Variants in CACNA1S observed in about 807,000 individuals in gnomAD.
CACNA1S encodes calcium voltage-gated channel subunit alpha1 S.
Under a neutral mutation model 207.4 loss-of-function variants are expected in CACNA1S, and 126 were observed. The ratio of observed to expected loss-of-function variants is 0.61; its 90% CI spans 0.53 to 0.70. The LOEUF (loss-of-function observed/expected upper bound fraction) is 0.70. Ranked by LOEUF, CACNA1S falls within the 30% of genes least tolerant of loss-of-function variation. The probability of loss-of-function intolerance (pLI) is 0.00; values close to 1 mark genes in which losing one functional copy is unlikely to be tolerated. For synonymous variants in CACNA1S, 960 were observed against 932.7 expected, an observed-to-expected ratio of 1.03 and a Z score of -0.53; for missense variants, 2,349 against 2,422.8, an observed-to-expected ratio of 0.97 and a Z score of 0.64.
chr1:201,109,171 C>T (rs767357696), intron 2 of CACNA1S, among the ~76,000 whole-genome samples: 2 of 151,408 alleles, frequency 1.3e-5, no homozygotes, highest in Non-Finnish European at 2.9e-5. Flanking sequence ...TCACTTGAAC[C>T]CAGGAGGCGG....
chr1:201,060,625 T>G (rs1418685421), intron 26 of CACNA1S, 33 bp downstream of exon 26: 1 of 1,609,606 alleles, frequency 6.2e-7, no homozygotes, highest in Non-Finnish European at 8.5e-7. Flanking sequence ...GGTCCCAGTC[T>G]GATCAGACAT....
In CACNA1S at chr1:201,112,286, C is replaced by T. The variant is rs369253685; in HGVS notation, c.54G>A (p.Lys18=). The change falls in exon 1 of 44, where the codon AAG becomes AAA. Residue 18 remains lysine, a synonymous_variant. Transcript: ENST00000362061. ...DEGLRKKQPK[K]PVPEILPRPP... ...GCCTTGGCAGAATCTCAGGAACTGG[C>T]TTCTTGGGCTGTTTCTTCCTCAGGC... 2 of 1,613,984 alleles carry T rather than the reference C, an allele frequency of 1.2e-6. No individual in the cohort carries two copies. Among genetic ancestry groups the T allele is most frequent in the Non-Finnish European group, 1.7e-6 (2 of 1,179,984 alleles).
chr1:201,039,859 T>C lies in CACNA1S; in HGVS notation c.5594A>G (p.Gln1865Arg), dbSNP rs1660056304. 6.2e-7 allele frequency: 1 copy of C among 1,608,732 alleles called. No homozygotes were observed. The highest frequency in any genetic ancestry group is 8.5e-7 in the Non-Finnish European group (1 of 1,180,024). The stretch of plus-strand genomic sequence containing the variant: ...CAGCCTTGGAGGAATAAGGGTCTCC[T>C]GGGAGCCCTGGTGTTGGTCGAGGCT... ...LGSLDQHQGSQETLIPPRL is the reference protein window; with the variant it reads ...LGSLDQHQGSRETLIPPRL The change falls in exon 44 of 44, where the codon CAG becomes CGG. Residue 1865 changes from glutamine to arginine, a missense_variant. Physicochemically the swap from Gln to Arg is conservative, Grantham distance 43. Coordinates refer to ENST00000362061, the MANE Select transcript of CACNA1S (RefSeq NM_000069.3).
At chr1:201,060,109 G>A (rs542563481) in intron 26 of CACNA1S, among the ~76,000 whole-genome samples, 21 of 152,180 alleles carry the variant, frequency 1.4e-4, no homozygotes, top group Non-Finnish European at 2.4e-4. Context: ...AGCAGTGTGT[G>A]TTCTTATCAT....
chr1:201,092,518 C>T (rs1283578011), intron 3 of CACNA1S, among the ~76,000 whole-genome samples: 1 of 152,202 alleles, frequency 6.6e-6, no homozygotes, highest in East Asian at 1.9e-4. Context: ...TGCTTTTCCT[C>T]CTGGCTGCAC....
intron 19 of CACNA1S, among the ~76,000 whole-genome samples, chr1:201,068,583 C>T (rs554989064): frequency 4.0e-5 from 6 of 150,030 alleles, no homozygotes; most frequent in East Asian, 4.1e-4. Context: ...AAGAAAAATG[C>T]GAGAGTTCGC....
chr1:201,088,119 T>C (rs1662098650), intron 6 of CACNA1S, among the ~76,000 whole-genome samples, 190 bp from the exon 7 acceptor site: 3 of 152,186 alleles, frequency 2.0e-5, no homozygotes, highest in Non-Finnish European at 4.4e-5. Context: ...GGATCTGGTC[T>C]GGAAGGATCT....
Position 201,053,406 on chromosome 1 carries a change from A to G in CACNA1S, c.3795+53T>C. On this transcript the variant is annotated intron_variant, in intron 30 of 43. Transcript: ENST00000362061. This position sits in a 1 kb window ranked among gnomAD's most constrained non-coding sequence, Gnocchi z 5.1. Reference sequence around the variant, plus strand: ...TGGGGCCCACCCTGGGCTGAGGCAGATGTCCCTAGTGGCCTCCCCAGGTAC... The same window carrying G: ...TGGGGCCCACCCTGGGCTGAGGCAGGTGTCCCTAGTGGCCTCCCCAGGTAC... 1 of 1,613,894 alleles carries G rather than the reference A, an allele frequency of 6.2e-7. No homozygotes were observed. The highest frequency in any genetic ancestry group is 8.5e-7 in the Non-Finnish European group (1 of 1,179,884).
intron 3 of CACNA1S, 35 bp from the exon 4 acceptor site, chr1:201,092,149 G>C (rs777648371): frequency 8.1e-6 from 13 of 1,613,938 alleles, no homozygotes; most frequent in South Asian, 1.1e-5. Context: ...GGGGTCCAGG[G>C]GTTGGAAAAG....
In CACNA1S at chr1:201,078,037, G is replaced by T. The variant is rs748760411; in HGVS notation, c.1461C>A (p.Gly487=). The change falls in exon 11 of 44, where the codon GGC becomes GGA. Residue 487 remains glycine (G), a synonymous_variant. Coordinates refer to ENST00000362061, the MANE Select transcript of CACNA1S (RefSeq NM_000069.3). ...AGATAGACATGAAGTACTGGCGCAG[G>T]CCCAGCCCGTACATCTTCATCAGCA... is the stretch of plus-strand genomic sequence containing the variant. ...TEMLMKMYGL[G]LRQYFMSIFN... The T allele has an allele frequency of 1.9e-6, 3 of 1,614,080 alleles. No individual in the cohort carries two copies. In the African/African-American group the frequency reaches 4.0e-5, roughly 22 times the overall value.
In CACNA1S at chr1:201,039,825, TG is replaced by T. The variant is rs767905404; in HGVS notation, c.*5del. 2 of 1,602,850 alleles carry T rather than the reference TG, an allele frequency of 1.2e-6. No homozygotes were observed. The highest frequency in any genetic ancestry group is 2.2e-5 in the South Asian group (2 of 91,088). ...GCTCTAAGCCCATGCTGATGCTGTG[TG>T]GGCATCACAGCCTTGGAGGAATAAG... On this transcript the variant is annotated 3_prime_UTR_variant, in exon 44 of 44. Coordinates refer to ENST00000362061, the MANE Select transcript of CACNA1S (RefSeq NM_000069.3).
At chr1:201,093,791 A>G in intron 3 of CACNA1S, 91 bp downstream of exon 3, 1 of 1,501,070 alleles carries the variant, frequency 6.7e-7, no homozygotes, top group Non-Finnish European at 9.3e-7. Flanking sequence ...CTGGAGTCCC[A>G]CCCCACCTCT....
Position 201,052,662 on chromosome 1 carries a change from AG to A in CACNA1S, c.3862-15del, listed in dbSNP as rs1451959633. 6.2e-7 allele frequency: 1 copy of A among 1,605,950 alleles called. No individual in the cohort carries two copies. The highest frequency in any genetic ancestry group is 2.2e-5 in the East Asian group (1 of 44,818). On this transcript the variant is annotated splice_polypyrimidine_tract_variant and intron_variant, in intron 31 of 43. Transcript: ENST00000362061. ...CTTCCCAAACATCTGCAAGTCACAA[AG>A]GGCCCTGACTGTGGAACCTAGATTA...
At chr1:201,054,690 G>A (rs773069426) in intron 28 of CACNA1S, 129 bp from the exon 29 acceptor site, 26 of 454,994 alleles carry the variant, frequency 5.7e-5, no homozygotes, top group Non-Finnish European at 1.1e-4. Context: ...AAGAGGCAGG[G>A]GCTAAAGACC....
intron 41 of CACNA1S, 63 bp downstream of exon 41, chr1:201,041,441 T>C (rs2102541150): frequency 7.8e-7 from 1 of 1,280,238 alleles, no homozygotes; most frequent in South Asian, 1.2e-5. Flanking sequence ...AAGAAAAGAG[T>C]GGGGCTTCCC....
At chr1:201,050,956 C>G (rs765459244) in intron 33 of CACNA1S, 28 bp downstream of exon 33, 1 of 1,613,318 alleles carries the variant, frequency 6.2e-7, no homozygotes, top group Non-Finnish European at 8.5e-7. Flanking sequence ...AAGCCCTCTC[C>G]CTGCCCCGCA....
At position 201,050,513 on chromosome 1, in the gene CACNA1S, T is replaced by A. The variant is rs745852803; in HGVS notation, c.4117A>T (p.Ile1373Phe). ...ATGATGACAGCCACAAAGAGGTTGA[T>A]GACCTGCAAGAGAAGAACCAAGGGG... ...SFYMLCAFLV[I>F]NLFVAVIMDN... The change falls in exon 34 of 44, where the codon ATC (isoleucine) becomes TTC (phenylalanine). Residue 1373 changes from isoleucine (I) to phenylalanine (F), a missense_variant. Coordinates refer to ENST00000362061, the MANE Select transcript of CACNA1S (RefSeq NM_000069.3). 2 of 1,614,052 alleles carry A rather than the reference T, an allele frequency of 1.2e-6. No individual in the cohort carries two copies. Among genetic ancestry groups the A allele is most frequent in the South Asian group, 1.1e-5 (1 of 91,076 alleles).
At chr1:201,061,506 G>T (rs1264329696) in intron 24 of CACNA1S, 38 bp from the exon 25 acceptor site, 1 of 1,591,400 alleles carries the variant, frequency 6.3e-7, no homozygotes. Context: ...GACTGGGTGG[G>T]GTGACAAGGC....
chr1:201,056,401 C>A (rs1660848739), intron 28 of CACNA1S, among the ~76,000 whole-genome samples: 1 of 152,206 alleles, frequency 6.6e-6, no homozygotes, highest in Admixed American at 6.5e-5. Context: ...ACCCCTATAC[C>A]CAACTCACCC....
Sources: gnomAD v4.1 joint callset for allele counts (sites outside exome capture counted in the v4.1 genomes callset) on GRCh38, gnomAD v4.1.1 for gene constraint, Gnocchi (gnomAD v3.1) non-coding constraint, MANE v1.5 for transcripts, NCBI Gene and HGNC (gene_info 2026-07-23, HGNC 2026-07-21) for gene names.